Variants in CTCFL observed in about 807,000 individuals in gnomAD.
The protein encoded by CTCFL is CCCTC-binding factor like, also known as transcriptional repressor CTCFL.
Under a neutral mutation model 67.4 loss-of-function variants are expected in CTCFL, and 36 were observed. The ratio of observed to expected loss-of-function variants is 0.53; its 90% CI spans 0.41 to 0.71. The LOEUF (loss-of-function observed/expected upper bound fraction) is 0.71. Among genes scored for constraint, CTCFL ranks in the 30% least tolerant of loss-of-function variants. CTCFL has a pLI of 0.00. For missense variants in CTCFL, 786 were observed against 835.2 expected, an observed-to-expected ratio of 0.94 and a Z score of 0.73; for synonymous variants, 324 against 302.3, an observed-to-expected ratio of 1.07 and a Z score of -0.75.
Position 57,503,609 on chromosome 20 carries a change from A to G in CTCFL, c.1675-8T>C, listed in dbSNP as rs747915365. On this transcript the variant is annotated splice_polypyrimidine_tract_variant and splice_region_variant and intron_variant, in intron 9 of 10. Transcript: ENST00000243914. ...ATGTCTGTGCAGGTTAATCTGTCGG[A>G]GAATTGACACAGAACACACAAGGCG... The G allele has an allele frequency of 1.1e-5, 17 of 1,613,892 alleles. No homozygotes were observed. The African/African-American group carries it at 2.1e-4, about 20-fold the overall frequency.
chr20:57,512,514 C>G, intron 8 of CTCFL, 78 bp downstream of exon 8: 1 of 1,421,340 alleles, frequency 7.0e-7, no homozygotes, highest in Non-Finnish European at 9.8e-7. Context: ...TCAGTATCTT[C>G]AAGGTGGTAG....
chr20:57,511,095 G>A (rs1345221391), intron 8 of CTCFL, among the ~76,000 whole-genome samples: 1 of 152,208 alleles, frequency 6.6e-6, no homozygotes, highest in African/African-American at 2.4e-5. Flanking sequence ...GTGCTGGAGT[G>A]CAGTGGTATG....
intron 5 of CTCFL, chr20:57,518,383 A>C: frequency 1.7e-6 from 1 of 574,096 alleles, no homozygotes; most frequent in South Asian, 3.4e-5. Flanking sequence ...CAAGCTCAAA[A>C]ATTTCAGCCA....
rs1291482566 is a variant in CTCFL, at chr20:57,523,853, C to G, written c.353G>C (p.Gly118Ala). The G allele has an allele frequency of 1.2e-6, 2 of 1,613,236 alleles. No individual in the cohort carries two copies. Among genetic ancestry groups the G allele is most frequent in the Non-Finnish European group, 1.7e-6 (2 of 1,180,042 alleles). Residue 118 changes from glycine to alanine, a missense_variant, in exon 2 of 11, where the codon GGG becomes GCG. Gly to Ala is a moderately conservative substitution (Grantham distance 60). Around this residue, in one of 3 missense-constraint regions of CTCFL, gnomAD observed 333 missense variants for 304.6 expected, o/e 1.09. Coordinates refer to ENST00000243914, the MANE Select transcript of CTCFL (RefSeq NM_001386993.1). ...VQVVVQQPGP[G>A]LLWLEEGPRQ... ...GGGCCCTTCCTCAAGCCACAGCAAC[C>G]CAGGGCCAGGCTGTTGCACCACCAC...
At position 57,512,699 on chromosome 20, in the gene CTCFL, A is replaced by G. The variant is rs754269476; in HGVS notation, c.1384T>C (p.Tyr462His). ...AYSAAELKCR[Y>H]CSAVFHERYA... ...CGTTCATGGAAGACAGCAGAACAGT[A>G]GCGGCATTTCAGCTCTGCAGCGCTG... The change falls in exon 8 of 11, where the codon TAC (tyrosine) becomes CAC (histidine). Residue 462 changes from tyrosine to histidine, a missense_variant. Tyr to His is a moderately conservative substitution (Grantham distance 83). Transcript: ENST00000243914. 3 of 1,614,110 alleles carry G rather than the reference A, an allele frequency of 1.9e-6. No homozygotes were observed. The highest frequency in any genetic ancestry group is 2.2e-5 in the East Asian group (1 of 44,904).
rs577158649 is a variant in CTCFL, at chr20:57,504,755, T to C, written c.1675-1154A>G. On this transcript the variant is annotated intron_variant, in intron 9 of 10. Transcript: ENST00000243914. ...TTCCTCCTGAGAGGCCTAGAGGAGG[T>C]CATGCCTCGTGAACCAGAGCTAATA... is the stretch of plus-strand genomic sequence containing the variant. Among the ~76,000 whole-genome samples the C allele has an allele frequency of 3.3e-5, 5 of 151,910 alleles. No homozygotes were observed. The South Asian group carries it at 8.3e-4, about 25-fold the overall frequency.
At chr20:57,498,810 G>T in intron 10 of CTCFL, 109 bp from the exon 11 acceptor site, 1 of 936,888 alleles carries the variant, frequency 1.1e-6, no homozygotes, top group Non-Finnish European at 1.6e-6. Flanking sequence ...GAACACGGCA[G>T]CAAGCATGTT....
At chr20:57,499,219 CATGTAATG>C (rs2067800591) in intron 10 of CTCFL, among the ~76,000 whole-genome samples, 1 of 152,186 alleles carries the variant, frequency 6.6e-6, no homozygotes, top group South Asian at 2.1e-4. Context: ...TCCCAGTACC[CATGTAATG>C]ATGCTGCCTA....
intron 9 of CTCFL, chr20:57,507,143 T>C (rs2068249294): frequency 1.0e-5 from 7 of 694,366 alleles, no homozygotes; most frequent in Non-Finnish European, 1.1e-5. Flanking sequence ...CATTCCCCAC[T>C]CGAGTGTGGG....
In CTCFL at chr20:57,524,161, C is replaced by A. The variant is rs2069659086; in HGVS notation, c.45G>T (p.Lys15Asn). ...EISVLSEQFT[K>N]IKELELMPEK... ...CCGGCATCAACTCGAGTTCTTTGAT[C>A]TTGGTGAATTGCTCAGAAAGGACAG... Residue 15 changes from lysine (K) to asparagine (N), a missense_variant, in exon 2 of 11, where the codon AAG (lysine) becomes AAT (asparagine). Transcript: ENST00000243914. The A allele has an allele frequency of 6.2e-7, 1 of 1,613,476 alleles. No homozygotes were observed. The highest frequency in any genetic ancestry group is 1.1e-5 in the South Asian group (1 of 91,064).
At chr20:57,524,331 C>T (rs73178734) in intron 1 of CTCFL, 115 bp from the exon 2 acceptor site, 202,234 of 1,501,942 alleles carry the variant, frequency 0.13, 15,058 homozygotes, top group Non-Finnish European at 0.15. Flanking sequence ...GGTCTGGCCT[C>T]AAAAGGTTTT....
intron 10 of CTCFL, among the ~76,000 whole-genome samples, chr20:57,501,989 A>G (rs2067940988): frequency 6.6e-6 from 1 of 152,240 alleles, no homozygotes; most frequent in South Asian, 2.1e-4. Flanking sequence ...AGGGACTTGC[A>G]TGAGCTCAGT....
At chr20:57,500,088 T>TTTTTTC in intron 10 of CTCFL, 1 of 594,234 alleles carries the variant, frequency 1.7e-6, no homozygotes, top group Non-Finnish European at 2.1e-6. Flanking sequence ...TTGAAGTATT[T>TTTTTTC]TTTTTTTTTT....
At chr20:57,500,085 A>ATTTTTT (rs3068009) in intron 10 of CTCFL, 106,037 of 868,484 alleles carry the variant, frequency 0.12, 2,471 homozygotes, top group South Asian at 0.18. Flanking sequence ...TCCTTGAAGT[A>ATTTTTT]TTTTTTTTTT....
chr20:57,511,668 T>C (rs2068570241), intron 8 of CTCFL, among the ~76,000 whole-genome samples: 1 of 150,630 alleles, frequency 6.6e-6, no homozygotes, highest in Non-Finnish European at 1.5e-5. Flanking sequence ...CTCGGCTCAC[T>C]GCAACCTCTG....
chr20:57,498,790 A>G, intron 10 of CTCFL, 89 bp from the exon 11 acceptor site: 1 of 1,245,836 alleles, frequency 8.0e-7, no homozygotes, highest in Non-Finnish European at 1.1e-6. Flanking sequence ...GGAAACCATC[A>G]CTTAAATTTG....
downstream of CTCFL, chr20:57,495,980 TTA>T (rs2067721036): frequency 3.1e-6 from 1 of 322,950 alleles, no homozygotes; most frequent in African/African-American, 2.2e-5. Context: ...TCAAACATAT[TTA>T]TGTTATCTGT....
chr20:57,497,094 G>T (rs755184294), downstream of CTCFL: 4 of 309,326 alleles, frequency 1.3e-5, no homozygotes, highest in Non-Finnish European at 1.9e-5. Flanking sequence ...GTGCACAACG[G>T]TTCCAATTTC....
At chr20:57,496,347 C>T (rs983290953), downstream of CTCFL, 1 of 661,632 alleles carries the variant, frequency 1.5e-6, no homozygotes, top group South Asian at 1.6e-5. Context: ...CATCATCCTT[C>T]CTGTACAGCC....
Sources: gnomAD v4.1 joint callset for allele counts (sites outside exome capture counted in the v4.1 genomes callset) on GRCh38, gnomAD v4.1.1 for gene constraint, gnomAD v4.1.1 regional missense constraint, MANE v1.5 for transcripts, NCBI Gene and HGNC (gene_info 2026-07-23, HGNC 2026-07-21) for gene names.